USP15: variants seen among roughly 807,000 people sequenced by gnomAD.
USP15 encodes ubiquitin carboxyl-terminal hydrolase 15.
Under a neutral mutation model 127.1 loss-of-function variants are expected in USP15, and 18 were observed. That is an observed-to-expected ratio of 0.14 (90% CI 0.10 to 0.21). USP15 has a LOEUF of 0.21. USP15 is among the 10% of genes least tolerant of loss of function. USP15 has a pLI of 1.00. For synonymous variants in USP15, 364 were observed against 393.7 expected (o/e 0.92, Z 0.89); for missense variants, 805 against 1,159.9 (o/e 0.69, Z 4.44).
chr12:62,378,282 T>A (rs1236400612), intron 8 of USP15, among the ~76,000 whole-genome samples: 1 of 152,182 alleles, frequency 6.6e-6, no homozygotes, highest in East Asian at 1.9e-4. Context: ...GGTATTTTTA[T>A]GAGGGAGAAA....
chr12:62,348,095 G>A (rs2065871205), intron 6 of USP15, among the ~76,000 whole-genome samples: 1 of 152,080 alleles, frequency 6.6e-6, no homozygotes, highest in African/African-American at 2.4e-5. Context: ...TATAGTTTCA[G>A]TTTCTCAGTA....
rs954933915 is a variant in USP15, at chr12:62,278,187, A to G, written c.90-15992A>G. Reference sequence around the variant, plus strand: ...ATCAGTATCACTGTCTTCTGCCTCCATATCTTGTCCCATTGGAAGGTCTTC... The same window carrying G: ...ATCAGTATCACTGTCTTCTGCCTCCGTATCTTGTCCCATTGGAAGGTCTTC... On this transcript the variant is annotated intron_variant, in intron 1 of 21. Coordinates refer to ENST00000280377, the MANE Select transcript of USP15 (RefSeq NM_001252078.2). Among the ~76,000 whole-genome samples the G allele has an allele frequency of 3.3e-5, 5 of 152,236 alleles. No individual in the cohort carries two copies. In the South Asian group the frequency reaches 1.0e-3, roughly 32 times the overall value.
At position 62,389,431 on chromosome 12, in the gene USP15, T is replaced by C. The variant is rs781626618; in HGVS notation, c.1474T>C (p.Tyr492His). ...RMDPLTKPMQ[Y>H]KVVVPKIGNI... ...CATTACAATTTTTTTTGTTTTTTAG[T>C]ACAAAGTGGTTGTCCCCAAAATTGG... The change falls in exon 12 of 22, where the codon TAC (tyrosine) becomes CAC (histidine). Residue 492 changes from tyrosine (Y) to histidine (H), a missense_variant and splice_region_variant. Tyr to His is a moderately conservative substitution (Grantham distance 83, BLOSUM62 2). This residue lies in a region of USP15 where 82 missense variants were observed against 104.4 expected (regional missense o/e 0.79). Coordinates refer to ENST00000280377, the MANE Select transcript of USP15 (RefSeq NM_001252078.2). The C allele has an allele frequency of 6.2e-7, 1 of 1,607,406 alleles. No individual in the cohort carries two copies.
intron 4 of USP15, among the ~76,000 whole-genome samples, chr12:62,317,945 A>G (rs898011963): frequency 2.6e-5 from 4 of 152,240 alleles, no homozygotes; most frequent in Admixed American, 6.5e-5. Flanking sequence ...TACCAAAAAC[A>G]TAAAACTTCT....
intron 4 of USP15, among the ~76,000 whole-genome samples, chr12:62,315,307 T>C (rs934080139): frequency 6.6e-6 from 1 of 152,148 alleles, no homozygotes; most frequent in South Asian, 2.1e-4. Flanking sequence ...TACAGTCAAG[T>C]AGCCAAGGCA....
chr12:62,281,983 TA>T (rs1157050392), intron 1 of USP15, among the ~76,000 whole-genome samples: 7 of 152,100 alleles, frequency 4.6e-5, no homozygotes, highest in Admixed American at 4.6e-4. Context: ...AACCTGCAAA[TA>T]GTAGCAAACC....
intron 6 of USP15, chr12:62,327,617 C>A: frequency 2.3e-6 from 1 of 428,594 alleles, no homozygotes; most frequent in South Asian, 1.7e-5. Flanking sequence ...CTGATTTTTG[C>A]CCAAAAGATG....
chr12:62,324,901 TGTAGA>T (rs2065085262), intron 5 of USP15, among the ~76,000 whole-genome samples: 6 of 151,924 alleles, frequency 3.9e-5, no homozygotes, highest in African/African-American at 1.4e-4. Context: ...ACTAAGTGCA[TGTAGA>T]GTAGTTTATG....
intron 1 of USP15, among the ~76,000 whole-genome samples, chr12:62,291,831 T>A (rs899065284): frequency 2.6e-5 from 4 of 152,206 alleles, no homozygotes; most frequent in African/African-American, 9.7e-5. Flanking sequence ...ATACTTGGCT[T>A]GTGAGCAGGC....
At chr12:62,271,492 T>C (rs897768569) in intron 1 of USP15, among the ~76,000 whole-genome samples, 9 of 152,036 alleles carry the variant, frequency 5.9e-5, no homozygotes, top group South Asian at 4.1e-4. Context: ...CAAAATACTT[T>C]TAAAAAGCGA....
intron 1 of USP15, among the ~76,000 whole-genome samples, chr12:62,280,888 A>C (rs960393532): frequency 6.6e-6 from 1 of 152,160 alleles, no homozygotes; most frequent in African/African-American, 2.4e-5. Flanking sequence ...AATGTTAAGC[A>C]TTTTAGACTT....
chr12:62,386,872 C>G (rs113212296), intron 11 of USP15, among the ~76,000 whole-genome samples: 2 of 152,106 alleles, frequency 1.3e-5, no homozygotes, highest in Admixed American at 1.3e-4. Flanking sequence ...AATGATCAGA[C>G]GACAGACAAA....
At chr12:62,394,168 G>A (rs2067410359) in intron 19 of USP15, among the ~76,000 whole-genome samples, 3 of 152,128 alleles carry the variant, frequency 2.0e-5, no homozygotes, top group African/African-American at 4.8e-5. Flanking sequence ...ATGACAAAAA[G>A]GGAACATTGT....
chr12:62,351,346 T>A (rs1016606726), intron 7 of USP15, among the ~76,000 whole-genome samples: 13 of 151,282 alleles, frequency 8.6e-5, no homozygotes, highest in Admixed American at 7.3e-4. Flanking sequence ...ACATGAGAGC[T>A]TTAAGTAAAC....
chr12:62,344,011 G>A (rs567484119), intron 6 of USP15, among the ~76,000 whole-genome samples: 12 of 152,158 alleles, frequency 7.9e-5, no homozygotes, highest in Non-Finnish European at 1.8e-4. Flanking sequence ...AGATTTGGGT[G>A]GGGACACAGA....
At chr12:62,375,632 A>T (rs1409419078) in intron 8 of USP15, among the ~76,000 whole-genome samples, 1 of 152,180 alleles carries the variant, frequency 6.6e-6, no homozygotes, top group African/African-American at 2.4e-5. Flanking sequence ...GAGATGTTGA[A>T]ATAAGTGTTT....
In USP15 at chr12:62,391,592, G is replaced by A. The variant is rs537064106; in HGVS notation, c.2233+163G>A. Among the ~76,000 whole-genome samples the A allele has an allele frequency of 2.0e-5, 3 of 152,074 alleles. No homozygotes were observed. In the East Asian group the frequency reaches 5.8e-4, roughly 29 times the overall value. Reference sequence around the variant, plus strand: ...TTAATATCTAAGTAGACTAAAATGTGTGTTTGTGTTTCATAAATGGAGATT... The same window carrying A: ...TTAATATCTAAGTAGACTAAAATGTATGTTTGTGTTTCATAAATGGAGATT... On this transcript the variant is annotated intron_variant, in intron 16 of 21. Transcript: ENST00000280377.
intron 20 of USP15, among the ~76,000 whole-genome samples, chr12:62,397,404 T>A (rs1261384527): frequency 6.6e-6 from 1 of 152,234 alleles, no homozygotes; most frequent in Non-Finnish European, 1.5e-5. Context: ...CATATTGGTC[T>A]ATTCAGTTTT....
intron 9 of USP15, 39 bp from the exon 10 acceptor site, chr12:62,383,801 G>C: frequency 3.1e-6 from 5 of 1,590,270 alleles, no homozygotes; most frequent in Non-Finnish European, 2.6e-6. Context: ...AATCAACCCT[G>C]TTCCTAGAAC....
Sources: allele counts gnomAD v4.1 joint callset (sites outside exome capture counted in the v4.1 genomes callset), GRCh38; gene constraint gnomAD v4.1.1; regional missense constraint gnomAD v4.1.1; transcripts MANE v1.5; gene names NCBI Gene and HGNC (gene_info 2026-07-23, HGNC 2026-07-21).